Variants in RIMS1 observed in about 807,000 individuals in gnomAD.
RIMS1 encodes regulating synaptic membrane exocytosis protein 1.
A neutral mutation model predicts 214.1 loss-of-function variants in RIMS1; 83 were observed. That is an observed-to-expected ratio of 0.39 (90% CI 0.32 to 0.47). The LOEUF is 0.47. Among genes scored for constraint, RIMS1 ranks in the 20% least tolerant of loss-of-function variants. The probability of loss-of-function intolerance (pLI) is 0.99; values close to 1 mark genes in which losing one functional copy is unlikely to be tolerated. For missense variants in RIMS1, 2,050 were observed against 2,161.8 expected (o/e 0.95, Z 1.03); for synonymous variants, 793 against 786.8 (o/e 1.01, Z -0.13).
At chr6:72,002,071 A>G (rs1420905621) in intron 2 of RIMS1, among the ~76,000 whole-genome samples, 1 of 152,200 alleles carries the variant, frequency 6.6e-6, no homozygotes, top group Non-Finnish European at 1.5e-5. Context: ...GTTGGTAAGA[A>G]AGCCAAAGAT....
intron 1 of RIMS1, among the ~76,000 whole-genome samples, chr6:71,962,190 A>G (rs1037084589): frequency 6.6e-6 from 1 of 152,132 alleles, no homozygotes; most frequent in African/African-American, 2.4e-5. Context: ...CTTTTTACCT[A>G]TTATTTTCTT....
rs779665116 is a variant in RIMS1, at chr6:72,313,544, C to A, written c.4002C>A (p.Asn1334Lys). Residue 1334 changes from asparagine (N) to lysine (K), a missense_variant, in exon 28 of 34, where the codon AAC becomes AAA. By Grantham distance (94) the Asn-to-Lys change is moderately conservative (BLOSUM62 0). This residue lies in a region of RIMS1 where 889 missense variants were observed against 885.5 expected (regional missense o/e 1.00). Transcript: ENST00000521978. Reference sequence around the variant, plus strand: ...AAGATCAGTACAGAAGCTGTGATAACGTCTCTGCCAAATCATCAGATAGTG... The same window carrying A: ...AAGATCAGTACAGAAGCTGTGATAAAGTCTCTGCCAAATCATCAGATAGTG... ...IHKDQYRSCD[N>K]VSAKSSDSDV... 1.7e-5 allele frequency: 27 copies of A among 1,613,568 alleles called. No individual in the cohort carries two copies. The highest frequency in any genetic ancestry group is 2.0e-5 in the Non-Finnish European group (24 of 1,179,786).
At chr6:72,116,973 A>G (rs1246010941) in intron 4 of RIMS1, among the ~76,000 whole-genome samples, 2 of 151,934 alleles carry the variant, frequency 1.3e-5, no homozygotes, top group Non-Finnish European at 2.9e-5. Flanking sequence ...TGACAACCTT[A>G]TTAATATCTC....
At chr6:72,271,094 C>A (rs1429002518) in intron 22 of RIMS1, among the ~76,000 whole-genome samples, 1 of 151,440 alleles carries the variant, frequency 6.6e-6, no homozygotes, top group East Asian at 1.9e-4. Flanking sequence ...GGTGAAACCC[C>A]GTCTCTATGA....
chr6:71,898,555 G>C (rs557930399), intron 1 of RIMS1, among the ~76,000 whole-genome samples: 3 of 152,270 alleles, frequency 2.0e-5, no homozygotes, highest in African/African-American at 7.2e-5. Context: ...GTTGAGGTGT[G>C]AGTGGGAACT....
At chr6:72,289,148 T>G (rs2092913454) in intron 24 of RIMS1, among the ~76,000 whole-genome samples, 1 of 152,208 alleles carries the variant, frequency 6.6e-6, no homozygotes. Context: ...CTTTAAGGAA[T>G]GGAGCAAGAT....
At chr6:72,033,163 C>A (rs948762712) in intron 2 of RIMS1, among the ~76,000 whole-genome samples, 1 of 152,158 alleles carries the variant, frequency 6.6e-6, no homozygotes, top group African/African-American at 2.4e-5. Flanking sequence ...TCTTTGTATT[C>A]TTTGTTCACC....
At chr6:71,922,649 T>C (rs1380212071) in intron 1 of RIMS1, among the ~76,000 whole-genome samples, 1 of 152,140 alleles carries the variant, frequency 6.6e-6, no homozygotes, top group Non-Finnish European at 1.5e-5. Context: ...CCAAAATCCT[T>C]TTTGAATGAA....
chr6:72,203,357 G>A (rs117508792), intron 6 of RIMS1, among the ~76,000 whole-genome samples: 338 of 152,290 alleles, frequency 2.2e-3, no homozygotes, highest in Non-Finnish European at 3.7e-3. Flanking sequence ...GAGGAAGGAA[G>A]CTTGAATGCC....
chr6:71,955,881 A>G (rs1270842084), intron 1 of RIMS1, among the ~76,000 whole-genome samples: 4 of 152,182 alleles, frequency 2.6e-5, no homozygotes, highest in East Asian at 1.9e-4. Context: ...TTTGAGTTAC[A>G]TAGCAACAAA....
At chr6:72,398,200 A>T in intron 31 of RIMS1, 49 bp from the exon 32 acceptor site, 1 of 1,185,758 alleles carries the variant, frequency 8.4e-7, no homozygotes, top group Non-Finnish European at 1.2e-6. Flanking sequence ...TTTTAACTGC[A>T]CATAACTGCA....
chr6:72,286,945 T>C (rs753593225), intron 24 of RIMS1, among the ~76,000 whole-genome samples: 1 of 152,218 alleles, frequency 6.6e-6, no homozygotes, highest in Non-Finnish European at 1.5e-5. Flanking sequence ...CCAGTTGTCA[T>C]TAGGAGACAA....
intron 4 of RIMS1, among the ~76,000 whole-genome samples, chr6:72,106,805 T>G (rs374522691): frequency 2.6e-5 from 4 of 152,192 alleles, no homozygotes; most frequent in Admixed American, 2.6e-4. Context: ...TCTTTAAAAT[T>G]TACTATTGCT....
At chr6:72,323,137 TAA>T (rs1352331578) in intron 28 of RIMS1, among the ~76,000 whole-genome samples, 2 of 152,116 alleles carry the variant, frequency 1.3e-5, no homozygotes, top group Non-Finnish European at 2.9e-5. Context: ...AGCAAATCTT[TAA>T]ACCCAAACTC....
chr6:72,213,129 G>C (rs2054140787), intron 6 of RIMS1: 35 of 1,536,968 alleles, frequency 2.3e-5, no homozygotes, highest in Non-Finnish European at 3.1e-5. Context: ...TGTCATGTGT[G>C]CACCTGGGAT....
At chr6:72,351,834 G>A (rs896177933) in intron 29 of RIMS1, among the ~76,000 whole-genome samples, 19 of 151,940 alleles carry the variant, frequency 1.3e-4, no homozygotes, top group African/African-American at 4.1e-4. Context: ...TTTTTTACAA[G>A]GAGAAAATTA....
intron 2 of RIMS1, among the ~76,000 whole-genome samples, chr6:72,037,338 T>C (rs1562172865): frequency 6.6e-6 from 1 of 152,076 alleles, no homozygotes; most frequent in Non-Finnish European, 1.5e-5. Flanking sequence ...AACACTTTGG[T>C]ATTCTCATAA....
chr6:72,075,295 A>G (rs1347630289), intron 2 of RIMS1, among the ~76,000 whole-genome samples: 1 of 152,062 alleles, frequency 6.6e-6, no homozygotes, highest in African/African-American at 2.4e-5. Flanking sequence ...ACGTGTAGAG[A>G]GAGTGTCTTA....
rs763216349 is a variant in RIMS1 at position 72,260,720 on chromosome 6, G to T, written c.3069G>T (p.Leu1023=). 7 of 1,612,156 alleles carry T rather than the reference G, an allele frequency of 4.3e-6. No homozygotes were observed. The East Asian group carries it at 1.3e-4, about 31-fold the overall frequency. Residue 1023 remains leucine (L), a synonymous_variant, in exon 19 of 34, where the codon CTG becomes CTT. Transcript: ENST00000521978. ...LSEQDSELLM[L]PRAKRGRSAE... The stretch of plus-strand genomic sequence containing the variant: ...GTCTGTGCAGTGAGCTTCTTATGCT[G>T]CCCAGAGCAAAACGAGGACGAAGTG...
Sources: gnomAD v4.1 joint callset for allele counts (sites outside exome capture counted in the v4.1 genomes callset) on GRCh38, gnomAD v4.1.1 for gene constraint, gnomAD v4.1.1 regional missense constraint, MANE v1.5 for transcripts, NCBI Gene and HGNC (gene_info 2026-07-23, HGNC 2026-07-21) for gene names.